Variants in TMEM9B observed in about 807,000 individuals in gnomAD.
TMEM9B encodes the protein TMEM9 domain family member B, also known as transmembrane protein 9B.
A neutral mutation model predicts 23.5 loss-of-function variants in TMEM9B; 8 were observed. The observed-to-expected ratio is 0.34, with a 90% CI of 0.20 to 0.61. The LOEUF (loss-of-function observed/expected upper bound fraction) is 0.61. TMEM9B is among the 20% of genes least tolerant of loss of function. TMEM9B has a pLI of 0.78. For missense variants in TMEM9B, 197 were observed against 252.3 expected (o/e 0.78, Z 1.49); for synonymous variants, 106 against 96.3 (o/e 1.10, Z -0.59).
chr11:8,956,815 G>A (rs1853983341), intron 2 of TMEM9B, among the ~76,000 whole-genome samples: 1 of 152,134 alleles, frequency 6.6e-6, no homozygotes. Context: ...AGACTCCTGG[G>A]CTCAAGTGAT....
Position 8,956,182 on chromosome 11 carries a change from T to C in TMEM9B, c.306+8A>G, listed in dbSNP as rs1353178629. 1.9e-6 allele frequency: 3 copies of C among 1,610,238 alleles called. No homozygotes were observed. The highest frequency in any genetic ancestry group is 1.3e-5 in the African/African-American group (1 of 74,986). ...ACAGACAGGTAGATAGAGGGATATA[T>C]ATTTTACCTTGATTGTGACAGAGCT... On this transcript the variant is annotated splice_region_variant and intron_variant, in intron 3 of 4. Transcript: ENST00000534025.
intron 1 of TMEM9B, among the ~76,000 whole-genome samples, chr11:8,963,042 G>A (rs1854109736): frequency 6.6e-6 from 1 of 152,188 alleles, no homozygotes; most frequent in African/African-American, 2.4e-5. Flanking sequence ...TAGATCTTGT[G>A]CTCAATAAGG....
chr11:8,956,090 G>T (rs1168798512), intron 3 of TMEM9B, 100 bp downstream of exon 3: 5 of 984,926 alleles, frequency 5.1e-6, no homozygotes, highest in African/African-American at 3.3e-5. Flanking sequence ...TCCTTTTGGG[G>T]TAGGGGTCCA....
In TMEM9B at chr11:8,950,391, T is replaced by C. The variant is rs150225954; in HGVS notation, c.442-1916A>G. On this transcript the variant is annotated intron_variant, in intron 4 of 4. Coordinates refer to ENST00000534025, the MANE Select transcript of TMEM9B (RefSeq NM_020644.3). Reference sequence around the variant, plus strand: ...GAAGTCAAGGACCAGAGGAGGAAAATATTATCACCATTGGTTTGTTTTGAC... The same window carrying C: ...GAAGTCAAGGACCAGAGGAGGAAAACATTATCACCATTGGTTTGTTTTGAC... Among the ~76,000 whole-genome samples the C allele has an allele frequency of 1.9e-3, 282 of 152,176 alleles. 1 individual carries two copies. Among genetic ancestry groups the C allele is most frequent in the Non-Finnish European group, 2.6e-3 (180 of 68,000 alleles).
chr11:8,958,479 T>A lies in TMEM9B; in HGVS notation c.198-2181A>T, dbSNP rs370601190. ...CTGTCTCAAAAAAAAAAAAGTTAATTTCTAGAAATTCATATTTTCATGTTC... is the reference window on the plus strand; with the variant it reads ...CTGTCTCAAAAAAAAAAAAGTTAATATCTAGAAATTCATATTTTCATGTTC... On this transcript the variant is annotated intron_variant, in intron 2 of 4. Transcript: ENST00000534025. 5.3e-5 allele frequency among the ~76,000 whole-genome samples: 8 copies of A among 151,990 alleles called. No homozygotes were observed. In the East Asian group the frequency reaches 1.4e-3, roughly 26 times the overall value.
In TMEM9B at chr11:8,956,295, A is replaced by G. The variant is rs1401027471; in HGVS notation, c.201T>C (p.Asp67=). 6.2e-7 allele frequency: 1 copy of G among 1,612,772 alleles called. No individual in the cohort carries two copies. Among genetic ancestry groups the G allele is most frequent in the African/African-American group, 1.3e-5 (1 of 74,902 alleles). Residue 67 remains aspartate, a synonymous_variant, in exon 3 of 5, where the codon GAT becomes GAC. Transcript: ENST00000534025. ...YNKNISQKDC[D]CLHVVEPMPV... ...GCATGGGCTCCACAACATGAAGGCAATCACTGAAAAAACAAAGATAAAATG... is the reference window on the plus strand; with the variant it reads ...GCATGGGCTCCACAACATGAAGGCAGTCACTGAAAAAACAAAGATAAAATG...
chr11:8,951,896 A>G (rs551486445), intron 4 of TMEM9B, among the ~76,000 whole-genome samples: 140 of 152,270 alleles, frequency 9.2e-4, no homozygotes, highest in African/African-American at 3.2e-3. Context: ...ACTTGAGGTC[A>G]GGAGTTCAAG....
chr11:8,964,908 C>G (rs945329806), upstream of TMEM9B: 9 of 152,890 alleles, frequency 5.9e-5, no homozygotes, highest in Non-Finnish European at 1.3e-4. Context: ...CACGCGCCTC[C>G]TGACCACAGC....
rs1344958164 is a variant in TMEM9B at position 8,952,281 on chromosome 11, CT to C, written c.441+921del. On this transcript the variant is annotated intron_variant, in intron 4 of 4. Transcript: ENST00000534025. Reference sequence around the variant, plus strand: ...ACACACACACACACACACACACACGCTATATATATATATATATAAACATATA... The same window carrying C: ...ACACACACACACACACACACACACGCATATATATATATATATAAACATATA... 1.3e-3 allele frequency among the ~76,000 whole-genome samples: 191 copies of C among 147,512 alleles called. 1 individual carries two copies. Among genetic ancestry groups the C allele is most frequent in the African/African-American group, 4.3e-3 (174 of 40,056 alleles).
At chr11:8,962,026 T>C (rs966937068) in intron 2 of TMEM9B, 66 bp downstream of exon 2, 2 of 1,031,010 alleles carry the variant, frequency 1.9e-6, no homozygotes, top group Admixed American at 5.6e-5. Context: ...TTGATGAACA[T>C]TCTGGGATAA....
rs1201892375 is a variant in TMEM9B, at chr11:8,957,518, A to T, written c.198-1220T>A. On this transcript the variant is annotated intron_variant, in intron 2 of 4. Coordinates refer to ENST00000534025, the MANE Select transcript of TMEM9B (RefSeq NM_020644.3). This position sits in a 1 kb window ranked among gnomAD's most constrained non-coding sequence, Gnocchi z 4.3. Reference sequence around the variant, plus strand: ...TTAGGCATTCCTGGCTGCCTCAAGCACTCTACTACACCATCCTATCTTATC... The same window carrying T: ...TTAGGCATTCCTGGCTGCCTCAAGCTCTCTACTACACCATCCTATCTTATC... Among the ~76,000 whole-genome samples, 2 of 152,130 alleles carry T rather than the reference A, an allele frequency of 1.3e-5. No individual in the cohort carries two copies. Among genetic ancestry groups the T allele is most frequent in the Non-Finnish European group, 2.9e-5 (2 of 68,024 alleles).
At chr11:8,956,356 A>T (rs1853974145) in intron 2 of TMEM9B, 58 bp from the exon 3 acceptor site, 1 of 1,423,884 alleles carries the variant, frequency 7.0e-7, no homozygotes, top group Non-Finnish European at 9.6e-7. Flanking sequence ...GCTTGCTCTG[A>T]CCAAAAGTTT....
intron 2 of TMEM9B, among the ~76,000 whole-genome samples, chr11:8,960,149 T>G (rs1182704380): frequency 1.4e-5 from 2 of 145,206 alleles, no homozygotes; most frequent in Non-Finnish European, 3.0e-5. Flanking sequence ...TTTTTTTTTT[T>G]TTTTTTTTTT....
In TMEM9B at chr11:8,957,161, A is replaced by C. The variant is rs915916434; in HGVS notation, c.198-863T>G. ...ACTTTTCTTAATGAGCAAATCTGAA[A>C]AAGCAAGGAGAAATAGAATAACTAA... On this transcript the variant is annotated intron_variant, in intron 2 of 4. Transcript: ENST00000534025. This position sits in a 1 kb window ranked among gnomAD's most constrained non-coding sequence, Gnocchi z 4.3. 6.6e-6 allele frequency among the ~76,000 whole-genome samples: 1 copy of C among 152,258 alleles called. No individual in the cohort carries two copies. The highest frequency in any genetic ancestry group is 2.4e-5 in the African/African-American group (1 of 41,462).
At chr11:8,956,359 A>G in intron 2 of TMEM9B, 61 bp from the exon 3 acceptor site, 3 of 1,380,572 alleles carry the variant, frequency 2.2e-6, no homozygotes, top group Admixed American at 2.1e-5. Context: ...TGCTCTGACC[A>G]AAAGTTTCCT....
rs1255904599 is a variant in TMEM9B at position 8,947,531 on chromosome 11, A to G, written c.*789T>C. The G allele has an allele frequency of 1.0e-4, 16 of 152,636 alleles. No individual in the cohort carries two copies. The highest frequency in any genetic ancestry group is 1.0e-3 in the Admixed American group (16 of 15,282). 9.5% of individuals were successfully genotyped at this position (152,636 alleles called of 1,614,324 possible). A position where few individuals can be genotyped will look rare whatever the true frequency, so the allele number is the denominator to read the frequency against. ...GTTTAAAATAAAATTTCTTTATTGC[A>G]AGTGTCCAAGTCCTTAGGATTTGTC... is the stretch of plus-strand genomic sequence containing the variant. On this transcript the variant is annotated 3_prime_UTR_variant, in exon 5 of 5. Transcript: ENST00000534025.
Position 8,948,217 on chromosome 11 carries a change from T to A in TMEM9B, c.*103A>T. 1 of 1,394,068 alleles carries A rather than the reference T, an allele frequency of 7.2e-7. No individual in the cohort carries two copies. Among genetic ancestry groups the A allele is most frequent in the Non-Finnish European group, 9.7e-7 (1 of 1,033,876 alleles). The allele number at this position is 1,394,068 out of a possible 1,614,324, so 86.4% of individuals were successfully genotyped here. A position where few individuals can be genotyped will look rare whatever the true frequency, so the allele number is the denominator to read the frequency against. On this transcript the variant is annotated 3_prime_UTR_variant, in exon 5 of 5. Coordinates refer to ENST00000534025, the MANE Select transcript of TMEM9B (RefSeq NM_020644.3). The stretch of plus-strand genomic sequence containing the variant: ...CAGTTTTGAATCTTCCAGCAACAGT[T>A]GGTGAAATCAACAAGGTATTAAAAT...
rs562408025 is a variant in TMEM9B, at chr11:8,962,020, T to G, written c.197+72A>C. 4.3e-5 allele frequency: 42 copies of G among 966,116 alleles called. No homozygotes were observed. The South Asian group carries it at 6.1e-4, about 14-fold the overall frequency. 59.8% of individuals were successfully genotyped at this position (966,116 alleles called of 1,614,324 possible). ...CTTAAAAAGAAAACTATGCATTTGA[T>G]GAACATTCTGGGATAACACTGACAA... On this transcript the variant is annotated intron_variant, in intron 2 of 4. Transcript: ENST00000534025.
chr11:8,948,284 C>G lies in TMEM9B; in HGVS notation c.*36G>C, dbSNP rs1853809484. On this transcript the variant is annotated 3_prime_UTR_variant, in exon 5 of 5. Coordinates refer to ENST00000534025, the MANE Select transcript of TMEM9B (RefSeq NM_020644.3). ...CAGTCAGTTCTTTCCAGTTGTCTGCCTGTTTCTTTCTAGTCACCTTGAATT... is the reference window on the plus strand; with the variant it reads ...CAGTCAGTTCTTTCCAGTTGTCTGCGTGTTTCTTTCTAGTCACCTTGAATT... 6.3e-7 allele frequency: 1 copy of G among 1,599,498 alleles called. No homozygotes were observed.
Sources: gnomAD v4.1 joint callset for allele counts (sites outside exome capture counted in the v4.1 genomes callset) on GRCh38, gnomAD v4.1.1 for gene constraint, Gnocchi (gnomAD v3.1) non-coding constraint, MANE v1.5 for transcripts, NCBI Gene and HGNC (gene_info 2026-07-23, HGNC 2026-07-21) for gene names.